WIPF2: variants seen among roughly 807,000 people sequenced by gnomAD.
The protein encoded by WIPF2 is WAS/WASL interacting protein family member 2, also known as WAS/WASL-interacting protein family member 2.
Under a neutral mutation model 38.8 loss-of-function variants are expected in WIPF2, and 23 were observed. The observed-to-expected ratio is 0.59, with a 90% CI of 0.43 to 0.84. The LOEUF (loss-of-function observed/expected upper bound fraction) is 0.84, where lower values mean the gene tolerates loss of function less well. Among genes scored for constraint, WIPF2 ranks in the 40% least tolerant of loss-of-function variants. The pLI is 0.00. For missense variants in WIPF2, 574 were observed against 580.5 expected (o/e 0.99, Z 0.11); for synonymous variants, 210 against 223.2 (o/e 0.94, Z 0.53).
At chr17:40,267,761 A>G (rs1335548582) in intron 5 of WIPF2, among the ~76,000 whole-genome samples, 1 of 152,136 alleles carries the variant, frequency 6.6e-6, no homozygotes, top group Non-Finnish European at 1.5e-5. Flanking sequence ...GCTGGTCTCA[A>G]ACTCCTGACC....
intron 1 of WIPF2, among the ~76,000 whole-genome samples, chr17:40,253,844 T>G (rs1222980865): frequency 1.3e-5 from 2 of 152,156 alleles, no homozygotes; most frequent in African/African-American, 4.8e-5. Flanking sequence ...CAAATTCTAC[T>G]CTCCTGCAGT....
chr17:40,226,477 A>AG (rs1383136943), intron 1 of WIPF2, among the ~76,000 whole-genome samples: 2 of 151,958 alleles, frequency 1.3e-5, no homozygotes, highest in Non-Finnish European at 2.9e-5. Context: ...GGCCTCCCAA[A>AG]GTGCTGGGAT....
At chr17:40,236,423 C>T (rs2030970537) in intron 1 of WIPF2, among the ~76,000 whole-genome samples, 5 of 151,918 alleles carry the variant, frequency 3.3e-5, no homozygotes. Context: ...ACTGCAACCT[C>T]CACCTCCCGG....
At chr17:40,261,125 C>T (rs1231668253) in intron 3 of WIPF2, among the ~76,000 whole-genome samples, 1 of 151,024 alleles carries the variant, frequency 6.6e-6, no homozygotes, top group Non-Finnish European at 1.5e-5. Flanking sequence ...AGGACACTGT[C>T]ACATTCCTGG....
rs1013921913 is a variant in WIPF2 at position 40,273,845 on chromosome 17, C to A, written c.1026C>A (p.Pro342=). The change falls in exon 6 of 8, where the codon CCC becomes CCA. Residue 342 remains proline, a synonymous_variant. Coordinates refer to ENST00000323571, the MANE Select transcript of WIPF2 (RefSeq NM_133264.5). ...IRNGARDAPP[P]PPPYRMHGSE... ...ATGGTGCCAGGGATGCTCCCCCTCC[C>A]CCACCACCATACCGAATGCATGGGT... is the stretch of plus-strand genomic sequence containing the variant. 1.9e-6 allele frequency: 3 copies of A among 1,588,028 alleles called. No individual in the cohort carries two copies. The highest frequency in any genetic ancestry group is 1.4e-5 in the African/African-American group (1 of 73,966).
At chr17:40,256,096 TAA>T (rs892748332) in intron 1 of WIPF2, among the ~76,000 whole-genome samples, 15 of 96,964 alleles carry the variant, frequency 1.5e-4, no homozygotes, top group Admixed American at 3.5e-4. Context: ...CCAGGGTCTT[TAA>T]AAAAAAAAAA....
chr17:40,241,901 G>A (rs569842089), intron 1 of WIPF2, among the ~76,000 whole-genome samples: 1 of 152,266 alleles, frequency 6.6e-6, no homozygotes, highest in Admixed American at 6.5e-5. Context: ...GCTGCTCCTT[G>A]GTTGTGAATT....
In WIPF2 at chr17:40,260,398, G is replaced by A. The variant is rs369648605; in HGVS notation, c.64-137G>A. 37 of 969,832 alleles carry A rather than the reference G, an allele frequency of 3.8e-5. No homozygotes were observed. In the South Asian group the frequency reaches 5.9e-4, roughly 15 times the overall value. 60.1% of individuals were successfully genotyped at this position (969,832 alleles called of 1,614,324 possible). A position where few individuals can be genotyped will look rare whatever the true frequency, so the allele number is the denominator to read the frequency against. On this transcript the variant is annotated intron_variant, in intron 2 of 7. Coordinates refer to ENST00000323571, the MANE Select transcript of WIPF2 (RefSeq NM_133264.5). ...GATGGGGTTTCACCATGTTGGCCAG[G>A]ATGGTCTGGAACTCCTGACTTCAAG...
At chr17:40,237,878 CT>C (rs1213668738) in intron 1 of WIPF2, among the ~76,000 whole-genome samples, 2 of 139,580 alleles carry the variant, frequency 1.4e-5, no homozygotes, top group Non-Finnish European at 3.0e-5. Context: ...ACTCCTAACC[CT>C]GTCTCTACTA....
At chr17:40,249,620 A>ATT in intron 1 of WIPF2, among the ~76,000 whole-genome samples, 1 of 150,994 alleles carries the variant, frequency 6.6e-6, no homozygotes. Context: ...TGCCCGGCTA[A>ATT]TTTTGTATGT....
chr17:40,228,627 T>G (rs1326019112), intron 1 of WIPF2, among the ~76,000 whole-genome samples: 1 of 151,696 alleles, frequency 6.6e-6, no homozygotes, highest in African/African-American at 2.4e-5. Context: ...TGAACAAATT[T>G]TCTTGGTCTT....
intron 3 of WIPF2, among the ~76,000 whole-genome samples, chr17:40,261,268 A>G (rs936567675): frequency 1.4e-4 from 21 of 151,984 alleles, no homozygotes; most frequent in Non-Finnish European, 2.6e-4. Context: ...TGTGGAGAGA[A>G]GAGCCCAGAT....
intron 1 of WIPF2, among the ~76,000 whole-genome samples, chr17:40,254,791 G>A (rs1438760713): frequency 6.6e-6 from 1 of 151,762 alleles, no homozygotes; most frequent in African/African-American, 2.4e-5. Flanking sequence ...GAGGGCAGTA[G>A]CACTTTCTTG....
chr17:40,236,695 A>G (rs1427349666), intron 1 of WIPF2, among the ~76,000 whole-genome samples: 2 of 141,080 alleles, frequency 1.4e-5, no homozygotes, highest in African/African-American at 5.4e-5. Context: ...TGCAACCTCC[A>G]CCTCCCTGGG....
chr17:40,250,891 C>T lies in WIPF2; in HGVS notation c.-69-5500C>T, dbSNP rs187478006. 3.4e-5 allele frequency among the ~76,000 whole-genome samples: 5 copies of T among 148,586 alleles called. No homozygotes were observed. The East Asian group carries it at 5.9e-4, about 18-fold the overall frequency. On this transcript the variant is annotated intron_variant, in intron 1 of 7. Coordinates refer to ENST00000323571, the MANE Select transcript of WIPF2 (RefSeq NM_133264.5). ...AGGTTACAGTGAGCTATGATGGTGC[C>T]AGTACACGTTAGCTATTAGATTCTT...
At position 40,283,243 on chromosome 17, in the gene WIPF2, A is replaced by T. The variant is rs1173304319; in HGVS notation, c.*5018A>T. On this transcript the variant is annotated 3_prime_UTR_variant, in exon 8 of 8. Coordinates refer to ENST00000323571, the MANE Select transcript of WIPF2 (RefSeq NM_133264.5). ...GGGAGATTCTGATGGTCCTTATTTTATTATTATTATTATTTTTTTTTGAGA... is the reference window on the plus strand; with the variant it reads ...GGGAGATTCTGATGGTCCTTATTTTTTTATTATTATTATTTTTTTTTGAGA... 6 of 118,576 alleles carry T rather than the reference A, an allele frequency of 5.1e-5. No individual in the cohort carries two copies. The highest frequency in any genetic ancestry group is 1.9e-4 in the Admixed American group (2 of 10,530). 7.3% of individuals were successfully genotyped at this position (118,576 alleles called of 1,614,324 possible). A position where few individuals can be genotyped will look rare whatever the true frequency, so the allele number is the denominator to read the frequency against.
chr17:40,237,307 C>G (rs2031012384), intron 1 of WIPF2, among the ~76,000 whole-genome samples: 1 of 142,182 alleles, frequency 7.0e-6, no homozygotes, highest in Non-Finnish European at 1.5e-5. Context: ...GTGGTGCTAT[C>G]TCGGGTCACC....
At chr17:40,243,115 G>A (rs1488954199) in intron 1 of WIPF2, among the ~76,000 whole-genome samples, 1 of 152,106 alleles carries the variant, frequency 6.6e-6, no homozygotes, top group Non-Finnish European at 1.5e-5. Flanking sequence ...CTCCTGGGCT[G>A]CCTTGTATCT....
In WIPF2 at chr17:40,264,701, T is replaced by A. The variant is rs1762148594; in HGVS notation, c.525T>A (p.Ser175=). 6.2e-7 allele frequency: 1 copy of A among 1,612,974 alleles called. No homozygotes were observed. The highest frequency in any genetic ancestry group is 1.1e-5 in the South Asian group (1 of 90,936). Residue 175 remains serine, a synonymous_variant, in exon 5 of 8, where the codon TCT becomes TCA. Coordinates refer to ENST00000323571, the MANE Select transcript of WIPF2 (RefSeq NM_133264.5). ...TSSTGMKHSS[S]APPPPPPGRR... ...GTACGGGCATGAAGCACAGCTCCTC[T>A]GCCCCTCCCCCACCACCCCCAGGGC... is the stretch of plus-strand genomic sequence containing the variant.
Sources: allele counts gnomAD v4.1 joint callset (sites outside exome capture counted in the v4.1 genomes callset), GRCh38; gene constraint gnomAD v4.1.1; transcripts MANE v1.5; gene names NCBI Gene and HGNC (gene_info 2026-07-23, HGNC 2026-07-21).